Variants in KIAA0753 observed in about 807,000 individuals in gnomAD.
KIAA0753 encodes the protein protein moonraker.
Under a neutral mutation model 116.9 loss-of-function variants are expected in KIAA0753, and 114 were observed. The observed-to-expected ratio is 0.98, with a 90% confidence interval of 0.84 to 1.14. The LOEUF (loss-of-function observed/expected upper bound fraction) is 1.14. Ranked by LOEUF, KIAA0753 falls within the 50% of genes most tolerant of loss-of-function variation. The pLI, the probability that KIAA0753 is intolerant of heterozygous loss-of-function variation, is 0.00. For missense variants in KIAA0753, 1,156 were observed against 1,172.4 expected (o/e 0.99, Z 0.20); for synonymous variants, 405 against 413.1 (o/e 0.98, Z 0.24).
chr17:6,634,050 G>A (rs190766564), intron 2 of KIAA0753, among the ~76,000 whole-genome samples: 35 of 149,534 alleles, frequency 2.3e-4, no homozygotes, highest in Non-Finnish European at 3.8e-4. Flanking sequence ...CATTTCTGAC[G>A]TAAAATGTAT....
chr17:6,615,045 A>G lies in KIAA0753; in HGVS notation c.1316-2897T>C, dbSNP rs541077663. ...AACTCCTGACCTCAAGTGATCCACC[A>G]GCCTCGGCCTCCCAAAGTGCTGGGA... On this transcript the variant is annotated intron_variant, in intron 7 of 18. Transcript: ENST00000361413. Among the ~76,000 whole-genome samples, 36 of 151,944 alleles carry G rather than the reference A, an allele frequency of 2.4e-4. No homozygotes were observed. In the South Asian group the frequency reaches 7.3e-3, roughly 31 times the overall value.
rs879668434 is a variant in KIAA0753 at position 6,591,070 on chromosome 17, A to AG, written c.2441-441dup. Among the ~76,000 whole-genome samples the AG allele has an allele frequency of 7.0e-3, 911 of 129,658 alleles. 27 individuals carry two copies. The highest frequency in any genetic ancestry group is 0.026 in the East Asian group (124 of 4,822). The allele number at this position is 129,658 out of a possible 152,430, so 85.1% of individuals were successfully genotyped here. On this transcript the variant is annotated intron_variant, in intron 16 of 18. Coordinates refer to ENST00000361413, the MANE Select transcript of KIAA0753 (RefSeq NM_014804.3). ...AAGAAGAAGAAGAAGAAGAAGAAGA[A>AG]GAAGAAGAAGAAGAAGAAGAAGAAG... is the stretch of plus-strand genomic sequence containing the variant.
Position 6,589,917 on chromosome 17 carries a change from T to G in KIAA0753, c.2648A>C (p.Lys883Thr), listed in dbSNP as rs200387425. 4.0e-5 allele frequency: 64 copies of G among 1,613,118 alleles called. No individual in the cohort carries two copies. Among genetic ancestry groups the G allele is most frequent in the Non-Finnish European group, 5.0e-5 (59 of 1,179,750 alleles). ...LLSLAEDSQQ[K>T]EGRAPLFVPP... ...GACAAAGAGGGGAGCTCGGCCTTCTTTCTGTTGAGAATCTTCGGCTAGGGA... is the reference window on the plus strand; with the variant it reads ...GACAAAGAGGGGAGCTCGGCCTTCTGTCTGTTGAGAATCTTCGGCTAGGGA... Residue 883 changes from lysine (K) to threonine (T), a missense_variant, in exon 18 of 19, where the codon AAA (lysine) becomes ACA (threonine). Transcript: ENST00000361413.
At chr17:6,614,106 T>C (rs1289090191) in intron 7 of KIAA0753, among the ~76,000 whole-genome samples, 1 of 152,214 alleles carries the variant, frequency 6.6e-6, no homozygotes, top group African/African-American at 2.4e-5. Flanking sequence ...GATGATTGAC[T>C]TCACTAGAAT....
intron 12 of KIAA0753, among the ~76,000 whole-genome samples, chr17:6,604,347 T>C (rs1970060666): frequency 6.6e-6 from 1 of 151,850 alleles, no homozygotes; most frequent in Non-Finnish European, 1.5e-5. Flanking sequence ...GCTCAAGTGA[T>C]TCTCCTACTT....
Position 6,606,925 on chromosome 17 carries a change from T to C in KIAA0753, c.1957A>G (p.Lys653Glu), listed in dbSNP as rs779118164. 4.1e-5 allele frequency: 66 copies of C among 1,614,018 alleles called. No homozygotes were observed. The highest frequency in any genetic ancestry group is 5.3e-5 in the African/African-American group (4 of 74,904). Residue 653 changes from lysine to glutamate, a missense_variant, in exon 12 of 19, where the codon AAG becomes GAG. By Grantham distance (56) the Lys-to-Glu change is moderately conservative. Coordinates refer to ENST00000361413, the MANE Select transcript of KIAA0753 (RefSeq NM_014804.3). ...TCAGCTTTGAGCTCATTCAGTTCCT[T>C]TGTTCTTCTAGAAGTTTCAGCATCA... ...WLDAETSRRTKELNELKAEEM... is the reference protein window; with the variant it reads ...WLDAETSRRTEELNELKAEEM...
chr17:6,631,047 G>A (rs1971994258), intron 2 of KIAA0753, among the ~76,000 whole-genome samples: 1 of 152,006 alleles, frequency 6.6e-6, no homozygotes, highest in Non-Finnish European at 1.5e-5. Flanking sequence ...TGTATATTTG[G>A]AACCATGTTA....
intron 12 of KIAA0753, among the ~76,000 whole-genome samples, chr17:6,605,620 A>C (rs1399646060): frequency 6.6e-6 from 1 of 152,150 alleles, no homozygotes; most frequent in Non-Finnish European, 1.5e-5. Context: ...AAATTAAACA[A>C]GATATTGTTA....
intron 7 of KIAA0753, among the ~76,000 whole-genome samples, chr17:6,616,203 T>C (rs769356157): frequency 9.9e-5 from 15 of 152,236 alleles, no homozygotes; most frequent in East Asian, 1.9e-4. Context: ...CCAAGTCTTC[T>C]GGCTTTCGGT....
intron 3 of KIAA0753, 132 bp from the exon 4 acceptor site, chr17:6,624,993 A>G (rs964111559): frequency 1.3e-5 from 8 of 634,780 alleles, no homozygotes; most frequent in Non-Finnish European, 2.2e-5. Context: ...TGAGGCTATC[A>G]TAACAGAAAA....
chr17:6,609,248 CCT>C (rs1414367464), intron 9 of KIAA0753, among the ~76,000 whole-genome samples: 1 of 152,248 alleles, frequency 6.6e-6, no homozygotes, highest in Non-Finnish European at 1.5e-5. Flanking sequence ...TCCCTTCTCC[CCT>C]GACATGACTG....
chr17:6,597,872 T>C (rs1176384097), intron 14 of KIAA0753, among the ~76,000 whole-genome samples: 1 of 152,248 alleles, frequency 6.6e-6, no homozygotes, highest in Non-Finnish European at 1.5e-5. Context: ...AACAGTTTTC[T>C]TCTTCACCAT....
At chr17:6,580,362 T>C in intron 18 of KIAA0753, among the ~76,000 whole-genome samples, 1 of 149,552 alleles carries the variant, frequency 6.7e-6, no homozygotes, top group East Asian at 2.0e-4. Context: ...TTGCCCAGGC[T>C]GGAGTGCAGT....
intron 18 of KIAA0753, 80 bp from the exon 19 acceptor site, chr17:6,579,944 A>C: frequency 9.9e-7 from 1 of 1,005,162 alleles, no homozygotes; most frequent in East Asian, 2.5e-5. Context: ...GCACTTTGGG[A>C]GGCCAAGATG....
chr17:6,603,562 A>G (rs573867214), intron 12 of KIAA0753, among the ~76,000 whole-genome samples: 1 of 152,356 alleles, frequency 6.6e-6, no homozygotes, highest in Non-Finnish European at 1.5e-5. Context: ...ACAACTAAGA[A>G]TCCTGGACAT....
At position 6,610,133 on chromosome 17, in the gene KIAA0753, G is replaced by T; in HGVS notation, c.1573C>A (p.Gln525Lys). Residue 525 changes from glutamine (Q) to lysine (K), a missense_variant, in exon 9 of 19, where the codon CAA (glutamine) becomes AAA (lysine). By Grantham distance (53) the Gln-to-Lys change is moderately conservative. Transcript: ENST00000361413. ...QGLRKAERGR[Q>K]SQPHSKSRVQ... Reference sequence around the variant, plus strand: ...CTGCTTTTACTGTGAGGTTGGCTTTGTCTACCTCTTTCAGCTTTGCGGAGT... The same window carrying T: ...CTGCTTTTACTGTGAGGTTGGCTTTTTCTACCTCTTTCAGCTTTGCGGAGT... The T allele has an allele frequency of 6.2e-7, 1 of 1,614,098 alleles. No individual in the cohort carries two copies. Among genetic ancestry groups the T allele is most frequent in the Non-Finnish European group, 8.5e-7 (1 of 1,180,000 alleles).
chr17:6,609,392 T>C (rs73975626), intron 9 of KIAA0753, among the ~76,000 whole-genome samples: 1 of 152,226 alleles, frequency 6.6e-6, no homozygotes, highest in Non-Finnish European at 1.5e-5. Context: ...TCCACCTAAC[T>C]GGACCCTGCT....
At chr17:6,609,752 A>T (rs1970411573) in intron 9 of KIAA0753, among the ~76,000 whole-genome samples, 1 of 152,140 alleles carries the variant, frequency 6.6e-6, no homozygotes, top group Non-Finnish European at 1.5e-5. Context: ...ATTCAATCAC[A>T]CATGTCCCGG....
chr17:6,589,922 T>C lies in KIAA0753; in HGVS notation c.2643A>G (p.Gln881=). 2 of 1,612,840 alleles carry C rather than the reference T, an allele frequency of 1.2e-6. No individual in the cohort carries two copies. The highest frequency in any genetic ancestry group is 1.7e-6 in the Non-Finnish European group (2 of 1,179,628). Residue 881 remains glutamine (Q), a synonymous_variant, in exon 18 of 19, where the codon CAA becomes CAG. Coordinates refer to ENST00000361413, the MANE Select transcript of KIAA0753 (RefSeq NM_014804.3). ...APLLSLAEDS[Q]QKEGRAPLFV... is the part of the protein sequence containing the mutation. ...AGAGGGGAGCTCGGCCTTCTTTCTG[T>C]TGAGAATCTTCGGCTAGGGAGAGAA... is the stretch of plus-strand genomic sequence containing the variant.
Sources: gnomAD v4.1 joint callset for allele counts (sites outside exome capture counted in the v4.1 genomes callset) on GRCh38, gnomAD v4.1.1 for gene constraint, MANE v1.5 for transcripts, NCBI Gene and HGNC (gene_info 2026-07-23, HGNC 2026-07-21) for gene names.